Variants in CDH12 observed in about 807,000 individuals in gnomAD.
CDH12 encodes cadherin 12.
In CDH12, 41 loss-of-function variants were observed where a neutral mutation model predicts 74.1. The ratio of observed to expected loss-of-function variants is 0.55; its 90% CI spans 0.43 to 0.72. The LOEUF is 0.72. Ranked by LOEUF, CDH12 falls within the 30% of genes least tolerant of loss-of-function variation. The pLI is 0.00. For synonymous variants in CDH12, 399 were observed against 355.0 expected, an observed-to-expected ratio of 1.12 and a Z score of -1.39; for missense variants, 945 against 977.2, an observed-to-expected ratio of 0.97 and a Z score of 0.44.
chr5:22,385,883 G>GA, intron 3 of CDH12, among the ~76,000 whole-genome samples: 1 of 143,568 alleles, frequency 7.0e-6, no homozygotes, highest in African/African-American at 2.6e-5. Context: ...ATGGCTACGC[G>GA]CTTTTTTTTT....
intron 1 of CDH12, among the ~76,000 whole-genome samples, chr5:22,736,128 G>A (rs984741886): frequency 8.6e-5 from 13 of 151,830 alleles, no homozygotes; most frequent in African/African-American, 2.7e-4. Flanking sequence ...CCAAATCATC[G>A]TTATAGAGAT....
intron 3 of CDH12, among the ~76,000 whole-genome samples, chr5:22,349,333 T>C (rs1416727209): frequency 6.6e-6 from 1 of 152,198 alleles, no homozygotes; most frequent in Non-Finnish European, 1.5e-5. Context: ...AAAAGCATGA[T>C]AATCTCATGA....
Position 21,752,116 on chromosome 5 carries a change from T to A in CDH12, c.2006A>T (p.Asp669Val), listed in dbSNP as rs753674868. The A allele has an allele frequency of 6.2e-7, 1 of 1,614,164 alleles. No individual in the cohort carries two copies. Among genetic ancestry groups the A allele is most frequent in the Non-Finnish European group, 8.5e-7 (1 of 1,180,020 alleles). ...AGCCCCGATGTCGAAAGCCTGGGTA[T>A]CTTCCTCCCCACCTCCTTCATCATC... The part of the protein sequence containing the change: ...HYDDEGGGEE[D>V]TQAFDIGALR... The change falls in exon 15 of 15, where the codon GAT (aspartate) becomes GTT (valine). Residue 669 changes from aspartate (D) to valine (V), a missense_variant. This residue lies in a region of CDH12 where 791 missense variants were observed against 792.8 expected (regional missense o/e 1.00). Transcript: ENST00000382254.
chr5:22,232,875 T>A (rs965268748), intron 3 of CDH12, among the ~76,000 whole-genome samples: 8 of 147,614 alleles, frequency 5.4e-5, no homozygotes, highest in African/African-American at 9.8e-5. Flanking sequence ...ATATATATAT[T>A]TTTTCTTTAT....
chr5:22,561,785 C>G (rs976629622), intron 1 of CDH12, among the ~76,000 whole-genome samples: 11 of 152,166 alleles, frequency 7.2e-5, no homozygotes, highest in African/African-American at 2.7e-4. Flanking sequence ...AGCAGTCTGT[C>G]AAGTACTTCA....
intron 1 of CDH12, among the ~76,000 whole-genome samples, chr5:22,541,488 C>T (rs1367335538): frequency 6.6e-6 from 1 of 152,058 alleles, no homozygotes; most frequent in East Asian, 1.9e-4. Context: ...AAGATTTGTC[C>T]CACAATTGGT....
chr5:21,998,877 G>A (rs532234846), intron 5 of CDH12, among the ~76,000 whole-genome samples: 9 of 152,234 alleles, frequency 5.9e-5, no homozygotes, highest in African/African-American at 1.9e-4. Context: ...CCTTCAAAAT[G>A]AGGCATAGAT....
intron 5 of CDH12, among the ~76,000 whole-genome samples, chr5:22,017,507 T>A (rs552774192): frequency 6.6e-6 from 1 of 152,128 alleles, no homozygotes; most frequent in African/African-American, 2.4e-5. Context: ...AAGTCTTTAA[T>A]CTCTATTTCA....
At chr5:22,021,104 T>C (rs936630777) in intron 5 of CDH12, among the ~76,000 whole-genome samples, 26 of 152,202 alleles carry the variant, frequency 1.7e-4, no homozygotes, top group Non-Finnish European at 3.2e-4. Context: ...ATGGGATATA[T>C]TGGGGAAAGG....
At chr5:21,971,284 G>A (rs575065375) in intron 6 of CDH12, among the ~76,000 whole-genome samples, 1 of 151,934 alleles carries the variant, frequency 6.6e-6, no homozygotes, top group Admixed American at 6.6e-5. Context: ...GACTAATTTG[G>A]TTCTAAAGCA....
intron 3 of CDH12, among the ~76,000 whole-genome samples, chr5:22,355,778 A>G (rs543521505): frequency 1.3e-5 from 2 of 152,044 alleles, no homozygotes; most frequent in African/African-American, 2.4e-5. Flanking sequence ...TGAACTAAAC[A>G]ACAAACAAAT....
intron 5 of CDH12, among the ~76,000 whole-genome samples, chr5:22,008,544 T>A (rs1198002516): frequency 6.6e-6 from 1 of 152,102 alleles, no homozygotes; most frequent in African/African-American, 2.4e-5. Context: ...GCTCCTTAAG[T>A]TGTATTTTTA....
At chr5:22,186,701 C>T (rs551593042) in intron 4 of CDH12, among the ~76,000 whole-genome samples, 1 of 152,286 alleles carries the variant, frequency 6.6e-6, no homozygotes, top group Admixed American at 6.5e-5. Flanking sequence ...GAACTCCTGA[C>T]CTCAAGTGAT....
chr5:22,616,828 G>A (rs769533283), intron 1 of CDH12, among the ~76,000 whole-genome samples: 2 of 151,942 alleles, frequency 1.3e-5, no homozygotes, highest in African/African-American at 2.4e-5. Flanking sequence ...GTTAGATCAC[G>A]AAGGCAGAGC....
At chr5:22,074,646 G>A (rs571737164) in intron 5 of CDH12, among the ~76,000 whole-genome samples, 22 of 152,118 alleles carry the variant, frequency 1.4e-4, no homozygotes, top group African/African-American at 3.9e-4. Flanking sequence ...AAAAGTGGGC[G>A]AAGGATATGA....
At chr5:22,111,659 A>G (rs976356647) in intron 4 of CDH12, among the ~76,000 whole-genome samples, 1 of 152,112 alleles carries the variant, frequency 6.6e-6, no homozygotes, top group African/African-American at 2.4e-5. Context: ...TTGCATGGTA[A>G]TTGTGCTACC....
chr5:22,147,531 G>C (rs1328513038), intron 4 of CDH12, among the ~76,000 whole-genome samples: 1 of 150,952 alleles, frequency 6.6e-6, no homozygotes, highest in East Asian at 1.9e-4. Flanking sequence ...AAAAGTATCT[G>C]TATTAGTCCA....
chr5:22,727,706 T>G (rs2126999172), intron 1 of CDH12, among the ~76,000 whole-genome samples: 1 of 151,850 alleles, frequency 6.6e-6, no homozygotes, highest in East Asian at 1.9e-4. Context: ...GGAGGATATT[T>G]TAGGTAAAGG....
chr5:22,619,779 G>A (rs1443084286), intron 1 of CDH12, among the ~76,000 whole-genome samples: 2 of 151,622 alleles, frequency 1.3e-5, no homozygotes, highest in Non-Finnish European at 1.5e-5. Context: ...TTCCCCCAGC[G>A]AATGTGTACA....
Sources: gnomAD v4.1 joint callset for allele counts (sites outside exome capture counted in the v4.1 genomes callset) on GRCh38, gnomAD v4.1.1 for gene constraint, gnomAD v4.1.1 regional missense constraint, MANE v1.5 for transcripts, NCBI Gene and HGNC (gene_info 2026-07-23, HGNC 2026-07-21) for gene names.